The following ATE1 variants were observed in gnomAD, a reference collection of about 807,000 sequenced individuals.
The protein encoded by ATE1 is arginyltransferase 1.
A neutral mutation model predicts 70.5 loss-of-function variants in ATE1; 36 were observed. The observed-to-expected ratio is 0.51, with a 90% CI of 0.39 to 0.67. The LOEUF (loss-of-function observed/expected upper bound fraction) is 0.67. Ranked by LOEUF, ATE1 falls within the 30% of genes least tolerant of loss-of-function variation. The probability of loss-of-function intolerance (pLI) is 0.00; values close to 1 mark genes in which losing one functional copy is unlikely to be tolerated. For synonymous variants in ATE1, 232 were observed against 219.3 expected (o/e 1.06, Z -0.51); for missense variants, 593 against 629.5 (o/e 0.94, Z 0.62).
At chr10:121,875,285 GGGTTTTTTTTT>G (rs1950008223) in intron 7 of ATE1, among the ~76,000 whole-genome samples, 3 of 146,102 alleles carry the variant, frequency 2.1e-5, no homozygotes, top group African/African-American at 5.0e-5. Context: ...TGGGCCTTGA[GGGTTTTTTTTT>G]GGTTTTTTTT....
intron 10 of ATE1, 21 bp downstream of exon 10, chr10:121,836,697 A>G (rs770598213): frequency 3.6e-6 from 5 of 1,378,808 alleles, no homozygotes; most frequent in East Asian, 2.4e-5. Flanking sequence ...AAAAATACAC[A>G]TATGTGAAAA....
chr10:121,897,274 G>A (rs963738737), intron 7 of ATE1, among the ~76,000 whole-genome samples: 2 of 152,294 alleles, frequency 1.3e-5, no homozygotes, highest in Middle Eastern at 3.4e-3. Context: ...AAATACACCG[G>A]GCCACAGAAA....
At chr10:121,924,150 A>C in intron 2 of ATE1, 116 bp downstream of exon 2, 1 of 877,330 alleles carries the variant, frequency 1.1e-6, no homozygotes, top group South Asian at 1.6e-5. Context: ...ACATAAAAGA[A>C]TATAATAAAA....
chr10:121,875,716 A>G (rs758034130), intron 7 of ATE1, among the ~76,000 whole-genome samples: 3 of 152,122 alleles, frequency 2.0e-5, no homozygotes, highest in Non-Finnish European at 4.4e-5. Context: ...TTCCATGGCC[A>G]CGTAAGTCTG....
At chr10:121,914,788 G>A (rs916839068) in intron 3 of ATE1, among the ~76,000 whole-genome samples, 4 of 152,128 alleles carry the variant, frequency 2.6e-5, no homozygotes, top group South Asian at 2.1e-4. Context: ...TGAAAGCAGC[G>A]GTACTACTGA....
At chr10:121,895,780 G>A (rs1043709435) in intron 7 of ATE1, among the ~76,000 whole-genome samples, 3 of 152,030 alleles carry the variant, frequency 2.0e-5, no homozygotes, top group Non-Finnish European at 2.9e-5. Context: ...AAAATTAGAC[G>A]TGGTGGCACA....
At chr10:121,796,976 C>T (rs773174552) in intron 10 of ATE1, among the ~76,000 whole-genome samples, 17 of 152,108 alleles carry the variant, frequency 1.1e-4, no homozygotes, top group Non-Finnish European at 2.5e-4. Flanking sequence ...CTTAGTTTAA[C>T]AAAATGTAAC....
intron 7 of ATE1, among the ~76,000 whole-genome samples, chr10:121,884,510 A>G (rs781722318): frequency 4.6e-5 from 7 of 152,056 alleles, no homozygotes; most frequent in Admixed American, 6.5e-5. Context: ...AGACTGCTTG[A>G]ACCCTGGAGT....
At chr10:121,759,863 T>C (rs905630596) in intron 11 of ATE1, among the ~76,000 whole-genome samples, 1 of 152,164 alleles carries the variant, frequency 6.6e-6, no homozygotes, top group Non-Finnish European at 1.5e-5. Flanking sequence ...GATGAAACAG[T>C]CTTCTACTGG....
chr10:121,922,317 T>A (rs1951913495), intron 3 of ATE1, 32 bp downstream of exon 3: 1 of 1,429,822 alleles, frequency 7.0e-7, no homozygotes, highest in East Asian at 2.3e-5. Context: ...CTTCATACTA[T>A]AAATCCTCTT....
intron 8 of ATE1, among the ~76,000 whole-genome samples, chr10:121,862,532 ATTTT>A (rs35130703): frequency 3.8e-5 from 4 of 105,402 alleles, no homozygotes; most frequent in East Asian, 2.7e-4. Context: ...AATTTTTTTA[ATTTT>A]TTTTTTTTTT....
intron 10 of ATE1, among the ~76,000 whole-genome samples, chr10:121,822,249 C>T (rs1947827716): frequency 6.6e-6 from 1 of 152,186 alleles, no homozygotes; most frequent in Non-Finnish European, 1.5e-5. Flanking sequence ...ATGGATAAAT[C>T]TCACAAAGAT....
chr10:121,860,345 G>T (rs1949424116), intron 8 of ATE1, among the ~76,000 whole-genome samples: 1 of 152,186 alleles, frequency 6.6e-6, no homozygotes, highest in South Asian at 2.1e-4. Flanking sequence ...CACTGCTTCT[G>T]CAGTCCACCA....
At chr10:121,827,065 G>A (rs1948050859) in intron 10 of ATE1, among the ~76,000 whole-genome samples, 1 of 151,002 alleles carries the variant, frequency 6.6e-6, no homozygotes, top group African/African-American at 2.4e-5. Context: ...CCAGGCTGGA[G>A]TGCAGTGGCG....
chr10:121,783,099 C>T (rs1946064337), intron 11 of ATE1, among the ~76,000 whole-genome samples: 1 of 152,160 alleles, frequency 6.6e-6, no homozygotes, highest in South Asian at 2.1e-4. Flanking sequence ...TTTTACACTC[C>T]TCTCAGCTCA....
intron 9 of ATE1, among the ~76,000 whole-genome samples, chr10:121,840,806 G>T (rs1232152585): frequency 6.7e-6 from 1 of 149,836 alleles, no homozygotes; most frequent in African/African-American, 2.4e-5. Context: ...CTAGTTAAAT[G>T]ATGTTTATTT....
intron 8 of ATE1, among the ~76,000 whole-genome samples, chr10:121,863,356 C>T (rs367967327): frequency 4.3e-4 from 65 of 150,266 alleles, no homozygotes; most frequent in African/African-American, 1.3e-3. Context: ...CGGGTTCAAG[C>T]GATTCTCCTG....
chr10:121,781,715 T>C (rs1307849007), intron 11 of ATE1, among the ~76,000 whole-genome samples: 1 of 152,236 alleles, frequency 6.6e-6, no homozygotes, highest in African/African-American at 2.4e-5. Context: ...AACTTTACTA[T>C]GGTTTTCCTT....
At chr10:121,796,130 A>G (rs949076313) in intron 10 of ATE1, among the ~76,000 whole-genome samples, 17 of 152,250 alleles carry the variant, frequency 1.1e-4, no homozygotes, top group African/African-American at 4.1e-4. Context: ...TCAATCCACA[A>G]TTTTAGAAGA....
Sources: allele counts gnomAD v4.1 joint callset (sites outside exome capture counted in the v4.1 genomes callset), GRCh38; gene constraint gnomAD v4.1.1; transcripts MANE v1.5; gene names NCBI Gene and HGNC (gene_info 2026-07-23, HGNC 2026-07-21).